The following MAEL variants were observed in gnomAD, a reference collection of about 807,000 sequenced individuals.
The protein encoded by MAEL is protein maelstrom homolog.
MAEL carries 46 observed loss-of-function variants against 62.0 expected under a neutral mutation model. The observed-to-expected ratio is 0.74, with a 90% confidence interval of 0.59 to 0.95. MAEL has a LOEUF of 0.95. MAEL is among the 40% of genes least tolerant of loss of function. The pLI, the probability that MAEL is intolerant of heterozygous loss-of-function variation, is 0.00. For missense variants in MAEL, 497 were observed against 526.8 expected, an observed-to-expected ratio of 0.94 and a Z score of 0.55; for synonymous variants, 172 against 175.5, an observed-to-expected ratio of 0.98 and a Z score of 0.16.
rs141476246 is a variant in MAEL, at chr1:167,021,712, G to T, written c.1162G>T (p.Val388Phe). The change falls in exon 12 of 12, where the codon GTT (valine) becomes TTT (phenylalanine). Residue 388 changes from valine to phenylalanine, a missense_variant. Val to Phe is a conservative substitution (Grantham distance 50). Coordinates refer to ENST00000367872, the MANE Select transcript of MAEL (RefSeq NM_032858.3). ...RAKISGQNSSVRGRGITRLLE... is the reference protein window; with the variant it reads ...RAKISGQNSSFRGRGITRLLE... ...AAAAATTTCTGGCCAAAACAGCAGC[G>T]TTCGGGGAAGAGGAATTACCCGCTT... 1 of 1,612,680 alleles carries T rather than the reference G, an allele frequency of 6.2e-7. No homozygotes were observed. Among genetic ancestry groups the T allele is most frequent in the African/African-American group, 1.3e-5 (1 of 74,942 alleles).
intron 5 of MAEL, among the ~76,000 whole-genome samples, chr1:167,003,871 G>T (rs578099492): frequency 6.6e-6 from 1 of 152,078 alleles, no homozygotes; most frequent in Admixed American, 6.6e-5. Flanking sequence ...GTAAAACACC[G>T]CAGGCCTGGT....
upstream of MAEL, among the ~76,000 whole-genome samples, chr1:166,986,697 G>C (rs1046216752): frequency 6.6e-6 from 1 of 151,834 alleles, no homozygotes; most frequent in African/African-American, 2.4e-5. Flanking sequence ...TAATAAACAG[G>C]CAAGAAAATA....
At chr1:166,995,238 T>C (rs1664371168) in intron 5 of MAEL, among the ~76,000 whole-genome samples, 3 of 151,922 alleles carry the variant, frequency 2.0e-5, no homozygotes, top group African/African-American at 4.8e-5. Flanking sequence ...TTCTAGTAGT[T>C]CCTTTTTTGT....
intron 10 of MAEL, among the ~76,000 whole-genome samples, chr1:167,019,001 TTAAAAA>T (rs1432401677): frequency 6.6e-6 from 1 of 152,158 alleles, no homozygotes; most frequent in African/African-American, 2.4e-5. Flanking sequence ...GTATGATAAT[TTAAAAA>T]TAAAAACGGA....
upstream of MAEL, among the ~76,000 whole-genome samples, chr1:166,988,366 A>G (rs1663995461): frequency 6.6e-6 from 1 of 151,796 alleles, no homozygotes; most frequent in African/African-American, 2.4e-5. Flanking sequence ...AAAAAAAAAA[A>G]AAAAAAATTT....
intron 5 of MAEL, among the ~76,000 whole-genome samples, chr1:167,002,683 A>T (rs1282831365): frequency 1.3e-5 from 2 of 152,306 alleles, no homozygotes; most frequent in East Asian, 3.9e-4. Context: ...TTACTAGAAA[A>T]GGGGGAAGGA....
upstream of MAEL, among the ~76,000 whole-genome samples, chr1:166,985,514 T>C (rs1017963436): frequency 1.3e-5 from 2 of 152,234 alleles, no homozygotes; most frequent in African/African-American, 4.8e-5. Context: ...AAGTGGAATT[T>C]GGCTCCAAAT....
chr1:166,995,718 A>C (rs959332316), intron 5 of MAEL, among the ~76,000 whole-genome samples: 2 of 152,052 alleles, frequency 1.3e-5, no homozygotes, highest in African/African-American at 4.8e-5. Context: ...TAGCCGGTGA[A>C]TTAATTTTCA....
intron 1 of MAEL, among the ~76,000 whole-genome samples, chr1:166,979,402 G>A (rs536077594): frequency 5.9e-5 from 9 of 151,486 alleles, no homozygotes; most frequent in Non-Finnish European, 1.0e-4. Flanking sequence ...TAAAAAAACT[G>A]GAACCCAGAA....
chr1:167,013,857 T>G (rs915573388), intron 8 of MAEL, among the ~76,000 whole-genome samples: 1 of 152,226 alleles, frequency 6.6e-6, no homozygotes, highest in Non-Finnish European at 1.5e-5. Context: ...GGCTTTGCTC[T>G]AAGGTACCAG....
At chr1:166,986,945 C>CGTGTGT (rs58393275), upstream of MAEL, among the ~76,000 whole-genome samples, 27,163 of 146,958 alleles carry the variant, frequency 0.18, 2,808 homozygotes, top group Non-Finnish European at 0.23. Context: ...AGGAAGGGGA[C>CGTGTGT]GTGTGTGTGT....
At chr1:166,992,598 A>G (rs1029350078) in intron 3 of MAEL, 88 bp from the exon 4 acceptor site, 1 of 963,414 alleles carries the variant, frequency 1.0e-6, no homozygotes, top group Non-Finnish European at 1.5e-6. Context: ...GTTCTAAAAC[A>G]TTTTTTCCCT....
chr1:167,011,661 A>G lies in MAEL; in HGVS notation c.846-4561A>G, dbSNP rs76868299. Among the ~76,000 whole-genome samples, 1,239 of 152,276 alleles carry G rather than the reference A, an allele frequency of 8.1e-3. 25 individuals carry two copies. Among genetic ancestry groups the G allele is most frequent in the African/African-American group, 0.029 (1,192 of 41,550 alleles). ...AAAGAAAGTTTTCAGGGACAAACTA[A>G]TATGTCCTCAAATAATCTTTAAATG... On this transcript the variant is annotated intron_variant, in intron 8 of 11. Coordinates refer to ENST00000367872, the MANE Select transcript of MAEL (RefSeq NM_032858.3).
intron 2 of MAEL, among the ~76,000 whole-genome samples, chr1:166,990,984 A>G (rs1664148088): frequency 6.6e-6 from 1 of 152,210 alleles, no homozygotes; most frequent in Admixed American, 6.5e-5. Context: ...GTGTATGTGT[A>G]CCTCATGTGA....
At chr1:166,996,331 G>A (rs1466350078) in intron 5 of MAEL, among the ~76,000 whole-genome samples, 1 of 152,202 alleles carries the variant, frequency 6.6e-6, no homozygotes, top group Non-Finnish European at 1.5e-5. Flanking sequence ...ATGAGTGAGA[G>A]TATAGGAGGT....
chr1:166,998,576 T>A lies in MAEL; in HGVS notation c.523+4507T>A, dbSNP rs185063232. 2.0e-4 allele frequency among the ~76,000 whole-genome samples: 31 copies of A among 152,308 alleles called. No homozygotes were observed. The East Asian group carries it at 6.0e-3, about 29-fold the overall frequency. On this transcript the variant is annotated intron_variant, in intron 5 of 11. Coordinates refer to ENST00000367872, the MANE Select transcript of MAEL (RefSeq NM_032858.3). ...GTCTTAGTATGCTGACCAGTACCTC[T>A]AGTTTCTAGTGTTTCGCCAGTGAGT...
At chr1:166,977,610 C>G (rs1439818011) in intron 1 of MAEL, among the ~76,000 whole-genome samples, 1 of 152,190 alleles carries the variant, frequency 6.6e-6, no homozygotes, top group Non-Finnish European at 1.5e-5. Flanking sequence ...GTGTGTGTGT[C>G]ACAGTGCACA....
chr1:166,982,432 C>G (rs1469175367), intron 1 of MAEL, among the ~76,000 whole-genome samples: 1 of 152,062 alleles, frequency 6.6e-6, no homozygotes, highest in Non-Finnish European at 1.5e-5. Context: ...TAAGATAACC[C>G]TTGTGGAGTG....
At chr1:166,989,560 C>T (rs1571240533) in intron 1 of MAEL, 76 bp downstream of exon 1, 1 of 1,538,690 alleles carries the variant, frequency 6.5e-7, no homozygotes, top group African/African-American at 1.4e-5. Context: ...GGGCAGAAGG[C>T]CTCGAGGAGG....
Sources: allele counts gnomAD v4.1 joint callset (sites outside exome capture counted in the v4.1 genomes callset), GRCh38; gene constraint gnomAD v4.1.1; transcripts MANE v1.5; gene names NCBI Gene and HGNC (gene_info 2026-07-23, HGNC 2026-07-21).